Variants in WDR59 observed in about 807,000 individuals in gnomAD.
WDR59 encodes WD repeat domain 59.
A neutral mutation model predicts 131.2 loss-of-function variants in WDR59; 100 were observed. The observed-to-expected ratio is 0.76, with a 90% CI of 0.65 to 0.90. WDR59 has a LOEUF of 0.90. Among genes scored for constraint, WDR59 ranks in the 40% least tolerant of loss-of-function variants. The pLI, the probability that WDR59 is intolerant of heterozygous loss-of-function variation, is 0.00. For missense variants in WDR59, 1,203 were observed against 1,262.2 expected, an observed-to-expected ratio of 0.95 and a Z score of 0.71; for synonymous variants, 601 against 466.2, an observed-to-expected ratio of 1.29 and a Z score of -3.72.
chr16:74,981,355 G>A (rs1318947735), intron 1 of WDR59, among the ~76,000 whole-genome samples: 9 of 143,724 alleles, frequency 6.3e-5, no homozygotes, highest in African/African-American at 1.3e-4. Context: ...CAGCCTGGGC[G>A]ACAGAGAGAG....
At chr16:74,962,389 T>G (rs1183647615) in intron 2 of WDR59, among the ~76,000 whole-genome samples, 1 of 152,188 alleles carries the variant, frequency 6.6e-6, no homozygotes, top group East Asian at 1.9e-4. Flanking sequence ...ATGGCCATTT[T>G]CACGATATTG....
intron 25 of WDR59, among the ~76,000 whole-genome samples, chr16:74,885,289 A>C (rs1964697736): frequency 6.6e-6 from 1 of 151,738 alleles, no homozygotes; most frequent in Non-Finnish European, 1.5e-5. Context: ...CCCATCTACT[A>C]AAAGCACAAA....
chr16:74,944,223 T>C (rs2145106390), intron 6 of WDR59, among the ~76,000 whole-genome samples: 1 of 152,214 alleles, frequency 6.6e-6, no homozygotes, highest in Non-Finnish European at 1.5e-5. Context: ...CCCAGCACTT[T>C]GGAAGGCTGA....
At chr16:74,965,392 G>A (rs2033729953) in intron 2 of WDR59, among the ~76,000 whole-genome samples, 1 of 152,110 alleles carries the variant, frequency 6.6e-6, no homozygotes, top group Admixed American at 6.5e-5. Context: ...ATGTCCAGGG[G>A]CTCACAGTTA....
At chr16:74,877,075 C>T (rs2144749861) in intron 25 of WDR59, among the ~76,000 whole-genome samples, 1 of 151,978 alleles carries the variant, frequency 6.6e-6, no homozygotes, top group South Asian at 2.1e-4. Flanking sequence ...AATCTGTATT[C>T]AAGATAATTG....
chr16:74,985,058 C>G lies in WDR59; in HGVS notation c.-41G>C, dbSNP rs886868645. On this transcript the variant is annotated 5_prime_UTR_variant, in exon 1 of 26. Transcript: ENST00000262144. ...GCCGCGGCCCCAGGACGGCGCCCTC[C>G]CACCCCGCCGTCCCCAGTATCCCGG... 1 of 1,535,984 alleles carries G rather than the reference C, an allele frequency of 6.5e-7. No individual in the cohort carries two copies. The highest frequency in any genetic ancestry group is 1.4e-5 in the African/African-American group (1 of 72,826).
At chr16:74,943,057 G>GA (rs1215000948) in intron 6 of WDR59, among the ~76,000 whole-genome samples, 3 of 152,050 alleles carry the variant, frequency 2.0e-5, no homozygotes, top group Non-Finnish European at 4.4e-5. Context: ...AATCTCAGGG[G>GA]AAAAAATCTA....
chr16:74,974,414 G>C (rs927117796), intron 1 of WDR59, among the ~76,000 whole-genome samples: 1 of 152,104 alleles, frequency 6.6e-6, no homozygotes, highest in African/African-American at 2.4e-5. Context: ...TTTATCAACT[G>C]CTTAACATAT....
At chr16:74,913,743 A>G (rs1049017266) in intron 13 of WDR59, among the ~76,000 whole-genome samples, 3 of 152,216 alleles carry the variant, frequency 2.0e-5, no homozygotes, top group Non-Finnish European at 2.9e-5. Context: ...CCATAGGGGA[A>G]GAAAGTAGAT....
At chr16:74,884,148 A>C (rs954051107) in intron 25 of WDR59, among the ~76,000 whole-genome samples, 4 of 151,666 alleles carry the variant, frequency 2.6e-5, no homozygotes, top group African/African-American at 7.3e-5. Context: ...TCTCTCTCCA[A>C]CTCTAGCGAT....
At chr16:74,910,981 A>G (rs1279634270) in intron 14 of WDR59, among the ~76,000 whole-genome samples, 1 of 152,138 alleles carries the variant, frequency 6.6e-6, no homozygotes. Flanking sequence ...CTCCTGCCTC[A>G]GCCTACCGAG....
Position 74,982,768 on chromosome 16 carries a change from G to C in WDR59, c.54+2196C>G, listed in dbSNP as rs574715021. ...GTACTTGGGGGTCCTTAATCCAAATGCTACTGCTCAAATTCTCAGTAGAGG... is the reference window on the plus strand; with the variant it reads ...GTACTTGGGGGTCCTTAATCCAAATCCTACTGCTCAAATTCTCAGTAGAGG... On this transcript the variant is annotated intron_variant, in intron 1 of 25. Coordinates refer to ENST00000262144, the MANE Select transcript of WDR59 (RefSeq NM_030581.4). Among the ~76,000 whole-genome samples the C allele has an allele frequency of 4.6e-5, 7 of 152,290 alleles. No individual in the cohort carries two copies. In the South Asian group the frequency reaches 1.4e-3, roughly 32 times the overall value.
intron 8 of WDR59, among the ~76,000 whole-genome samples, chr16:74,927,884 T>C (rs1327260972): frequency 6.6e-6 from 1 of 150,742 alleles, no homozygotes; most frequent in African/African-American, 2.4e-5. Flanking sequence ...TTCCTTTTTT[T>C]CCCCTTTTCT....
chr16:74,915,697 T>G, intron 13 of WDR59, 173 bp downstream of exon 13: 1 of 842,520 alleles, frequency 1.2e-6, no homozygotes, highest in Non-Finnish European at 1.8e-6. Context: ...GTGCTGGGAT[T>G]ACAGGCGTGA....
At chr16:74,959,214 G>A (rs993222544) in intron 2 of WDR59, 5 of 252,122 alleles carry the variant, frequency 2.0e-5, no homozygotes, top group Admixed American at 5.2e-5. Flanking sequence ...CAGCACTCAC[G>A]ACTCTGCCTT....
intron 7 of WDR59, among the ~76,000 whole-genome samples, chr16:74,939,605 G>C (rs1186021348): frequency 1.3e-5 from 2 of 151,818 alleles, no homozygotes; most frequent in African/African-American, 2.4e-5. Context: ...CTGGGTAGTA[G>C]GATTATGAAT....
intron 2 of WDR59, among the ~76,000 whole-genome samples, chr16:74,963,754 A>T (rs1436721712): frequency 2.0e-5 from 3 of 152,008 alleles, no homozygotes; most frequent in South Asian, 2.1e-4. Context: ...ATTAAATTAA[A>T]TTTTTTTTAA....
At position 74,877,237 on chromosome 16, in the gene WDR59, A is replaced by AAC. The variant is rs149888165; in HGVS notation, c.2690-2795_2690-2794dup. On this transcript the variant is annotated intron_variant, in intron 25 of 25. Transcript: ENST00000262144. ...TTTGCTGGTTTTGTGTATATCTCAAAACACACACACACACACAAACACACA... is the reference window on the plus strand; with the variant it reads ...TTTGCTGGTTTTGTGTATATCTCAAAACACACACACACACACACAAACACACA... 1.8e-3 allele frequency among the ~76,000 whole-genome samples: 279 copies of AAC among 151,582 alleles called. 4 individuals carry two copies. The highest frequency in any genetic ancestry group is 6.9e-3 in the Admixed American group (105 of 15,204).
chr16:74,983,134 G>C (rs1394130874), intron 1 of WDR59, among the ~76,000 whole-genome samples: 1 of 152,160 alleles, frequency 6.6e-6, no homozygotes, highest in Non-Finnish European at 1.5e-5. Flanking sequence ...CCTGAGGCCA[G>C]GGGTTCAAGA....
Sources: allele counts gnomAD v4.1 joint callset (sites outside exome capture counted in the v4.1 genomes callset), GRCh38; gene constraint gnomAD v4.1.1; transcripts MANE v1.5; gene names NCBI Gene and HGNC (gene_info 2026-07-23, HGNC 2026-07-21).